ZNF280C: variants seen among roughly 807,000 people sequenced by gnomAD.
ZNF280C encodes suppressor of hairy wing homolog 3.
In ZNF280C, 14 loss-of-function variants were observed where a neutral mutation model predicts 53.6. The ratio of observed to expected loss-of-function variants is 0.26; its 90% CI spans 0.17 to 0.41. The LOEUF is 0.41. Ranked by LOEUF, ZNF280C falls within the 10% of genes least tolerant of loss-of-function variation. The pLI is 1.00. For missense variants in ZNF280C, 416 were observed against 547.1 expected (o/e 0.76, Z 2.39); for synonymous variants, 203 against 181.1 (o/e 1.12, Z -0.97).
chrX:130,242,226 G>C (rs1051237368), intron 5 of ZNF280C, among the ~76,000 whole-genome samples: 3 of 110,243 alleles, frequency 2.7e-5, no homozygotes, highest in African/African-American at 9.9e-5. Context: ...CTGGGAGACA[G>C]AGCAAGACAC....
At chrX:130,229,189 C>T in intron 9 of ZNF280C, 55 bp from the exon 10 acceptor site, 1 of 1,059,623 alleles carries the variant, frequency 9.4e-7, no homozygotes, top group Middle Eastern at 2.9e-4. Context: ...CAAAGAAAAA[C>T]CTCACAAATA....
intron 13 of ZNF280C, among the ~76,000 whole-genome samples, chrX:130,219,955 A>G (rs949523415): frequency 9.0e-6 from 1 of 111,623 alleles, no homozygotes; most frequent in African/African-American, 3.2e-5. Flanking sequence ...TAAAGTCTTA[A>G]TAACAATCAG....
chrX:130,224,019 A>T (rs144449184), intron 12 of ZNF280C, among the ~76,000 whole-genome samples: 113 of 111,771 alleles, frequency 1.0e-3, no homozygotes, highest in Non-Finnish European at 1.7e-3. Flanking sequence ...CTCTTCAGGT[A>T]CTCCAAACTT....
intron 13 of ZNF280C, among the ~76,000 whole-genome samples, chrX:130,217,272 A>G (rs1402978042): frequency 8.9e-6 from 1 of 112,172 alleles, no homozygotes; most frequent in Non-Finnish European, 1.9e-5. Flanking sequence ...CACAAAAAAG[A>G]ATGAAGTACT....
At chrX:130,241,999 C>CCGG (rs1422406923) in intron 5 of ZNF280C, among the ~76,000 whole-genome samples, 2 of 43,168 alleles carry the variant, frequency 4.6e-5, no homozygotes, top group Non-Finnish European at 7.7e-5. Flanking sequence ...CTTTGGGAAG[C>CCGG]CGGGGGGGGG....
intron 2 of ZNF280C, among the ~76,000 whole-genome samples, chrX:130,257,763 G>C (rs2032590611): frequency 8.9e-6 from 1 of 111,899 alleles, no homozygotes; most frequent in Admixed American, 9.5e-5. Flanking sequence ...CAAGTTGTTT[G>C]ACTTTAAAAA....
At chrX:130,241,499 G>A (rs1168344309) in intron 5 of ZNF280C, among the ~76,000 whole-genome samples, 1 of 112,583 alleles carries the variant, frequency 8.9e-6, no homozygotes, top group East Asian at 2.8e-4. Context: ...AGTGGCTCAC[G>A]CCTGTAATCC....
intron 1 of ZNF280C, among the ~76,000 whole-genome samples, chrX:130,263,885 C>T (rs914898081): frequency 3.7e-5 from 4 of 108,649 alleles, no homozygotes; most frequent in Non-Finnish European, 7.6e-5. Context: ...ATTAGCTGGG[C>T]GTGGTAGCAT....
intron 13 of ZNF280C, among the ~76,000 whole-genome samples, chrX:130,218,315 T>TC (rs200171710): frequency 0.018 from 2,060 of 111,838 alleles, 46 homozygotes; most frequent in African/African-American, 0.063. Context: ...TGTGACCTCT[T>TC]CCTGGGGGAT....
At chrX:130,218,965 G>A (rs2032133201) in intron 13 of ZNF280C, among the ~76,000 whole-genome samples, 1 of 111,780 alleles carries the variant, frequency 8.9e-6, no homozygotes, top group African/African-American at 3.3e-5. Flanking sequence ...TATTCTGCAT[G>A]TCTAATACCA....
chrX:130,261,868 C>T (rs1317016519), intron 1 of ZNF280C, among the ~76,000 whole-genome samples: 2 of 110,266 alleles, frequency 1.8e-5, no homozygotes, highest in East Asian at 2.8e-4. Flanking sequence ...GCTGGAGTGC[C>T]GTGGCTATTC....
chrX:130,264,252 C>A (rs1462022402), intron 1 of ZNF280C, among the ~76,000 whole-genome samples: 1 of 110,821 alleles, frequency 9.0e-6, no homozygotes, highest in East Asian at 2.8e-4. Context: ...ATGCCTGAAG[C>A]AAATTATCCA....
At position 130,260,562 on chromosome X, in the gene ZNF280C, T is replaced by G. The variant is rs1397933190; in HGVS notation, c.-16-97A>C. 3.1e-5 allele frequency: 19 copies of G among 616,210 alleles called. No individual in the cohort carries two copies. In the East Asian group the frequency reaches 7.3e-4, roughly 24 times the overall value. 50.8% of individuals were successfully genotyped at this position (616,210 alleles called of 1,213,427 possible). On this transcript the variant is annotated intron_variant, in intron 1 of 18. Transcript: ENST00000370978. Reference sequence around the variant, plus strand: ...ACCTGAGATCCAAAATCTTTGGGTCTAATTTTGATCTCCAGCACACTCACC... The same window carrying G: ...ACCTGAGATCCAAAATCTTTGGGTCGAATTTTGATCTCCAGCACACTCACC...
At chrX:130,220,740 A>C (rs2124700494) in intron 12 of ZNF280C, among the ~76,000 whole-genome samples, 1 of 111,293 alleles carries the variant, frequency 9.0e-6, no homozygotes, top group African/African-American at 3.2e-5. Flanking sequence ...TACTGATTAT[A>C]GAGGCATAAA....
chrX:130,263,541 T>C (rs998213509), intron 1 of ZNF280C, among the ~76,000 whole-genome samples: 2 of 111,437 alleles, frequency 1.8e-5, no homozygotes, highest in African/African-American at 6.5e-5. Context: ...AGGCTGCATA[T>C]GGTTGGGAGG....
At chrX:130,213,267 G>A (rs959336034) in intron 15 of ZNF280C, among the ~76,000 whole-genome samples, 6 of 112,249 alleles carry the variant, frequency 5.3e-5, no homozygotes, top group African/African-American at 1.9e-4. Flanking sequence ...CAGCTGCTGG[G>A]GAGGCTGAGG....
intron 1 of ZNF280C, among the ~76,000 whole-genome samples, chrX:130,264,491 C>T (rs965556521): frequency 9.0e-6 from 1 of 110,827 alleles, no homozygotes; most frequent in East Asian, 2.8e-4. Context: ...TTAACTTTTG[C>T]TATCTAAAAA....
intron 1 of ZNF280C, among the ~76,000 whole-genome samples, chrX:130,266,110 C>T (rs2032685446): frequency 8.9e-6 from 1 of 112,310 alleles, no homozygotes; most frequent in South Asian, 3.7e-4. Context: ...AAGCCCATTA[C>T]AAGTTAATAA....
At chrX:130,248,132 A>C (rs1603244814) in intron 2 of ZNF280C, among the ~76,000 whole-genome samples, 1 of 97,715 alleles carries the variant, frequency 1.0e-5, no homozygotes, top group East Asian at 3.2e-4. Context: ...AACTAGATAC[A>C]GACAGGTGGA....
Sources: allele counts gnomAD v4.1 joint callset (sites outside exome capture counted in the v4.1 genomes callset), GRCh38; gene constraint gnomAD v4.1.1; transcripts MANE v1.5; gene names NCBI Gene and HGNC (gene_info 2026-07-23, HGNC 2026-07-21).